Variants in NDUFAF6 observed in about 807,000 individuals in gnomAD.
NDUFAF6 encodes NADH dehydrogenase (ubiquinone) complex I, assembly factor 6.
NDUFAF6 carries 45 observed loss-of-function variants against 40.8 expected under a neutral mutation model. The ratio of observed to expected loss-of-function variants is 1.10; its 90% CI spans 0.87 to 1.42. The LOEUF is 1.42. Among genes scored for constraint, NDUFAF6 ranks in the 40% most tolerant of loss-of-function variants. The pLI, the probability that NDUFAF6 is intolerant of heterozygous loss-of-function variation, is 0.00. For synonymous variants in NDUFAF6, 185 were observed against 155.9 expected, an observed-to-expected ratio of 1.19 and a Z score of -1.39; for missense variants, 435 against 418.5, an observed-to-expected ratio of 1.04 and a Z score of -0.34.
At chr8:95,016,502 T>C (rs1401081918) in intron 2 of NDUFAF6, among the ~76,000 whole-genome samples, 1 of 152,198 alleles carries the variant, frequency 6.6e-6, no homozygotes. Context: ...CCCAGCACTT[T>C]GGGAGGCTGA....
At chr8:95,032,880 G>T (rs955085003) in intron 2 of NDUFAF6, among the ~76,000 whole-genome samples, 1 of 152,192 alleles carries the variant, frequency 6.6e-6, no homozygotes, top group African/African-American at 2.4e-5. Flanking sequence ...GAGTCTAATA[G>T]ACTGGCTGTT....
At chr8:94,989,372 T>C (rs983701580) in intron 2 of NDUFAF6, 1 of 152,238 alleles carries the variant, frequency 6.6e-6, no homozygotes, top group Non-Finnish European at 1.5e-5. Context: ...ACCAGAATTG[T>C]ACCTCTGCTT....
downstream of NDUFAF6, among the ~76,000 whole-genome samples, chr8:95,108,309 T>C (rs545993227): frequency 3.3e-5 from 5 of 152,282 alleles, no homozygotes; most frequent in East Asian, 9.6e-4. Flanking sequence ...AACCCAAATA[T>C]CTATTGATTA....
At chr8:94,915,657 C>G (rs1436688758) in intron 1 of NDUFAF6, among the ~76,000 whole-genome samples, 1 of 152,318 alleles carries the variant, frequency 6.6e-6, no homozygotes, top group South Asian at 2.1e-4. Flanking sequence ...CTGCTTTTCA[C>G]AGGGGCTGAA....
intron 4 of NDUFAF6, among the ~76,000 whole-genome samples, chr8:95,043,964 G>A (rs908915686): frequency 1.3e-5 from 2 of 152,124 alleles, no homozygotes; most frequent in Non-Finnish European, 1.5e-5. Flanking sequence ...CATTATTCAT[G>A]AAAGCCCGAA....
chr8:94,963,194 G>A (rs1204572656), intron 1 of NDUFAF6, among the ~76,000 whole-genome samples: 1 of 152,192 alleles, frequency 6.6e-6, no homozygotes, highest in Non-Finnish European at 1.5e-5. Flanking sequence ...TATTGATACA[G>A]AGAAAAAGAA....
chr8:95,043,840 G>A lies in NDUFAF6; in HGVS notation c.478-1705G>A, dbSNP rs913758902. On this transcript the variant is annotated intron_variant, in intron 4 of 8. Transcript: ENST00000396124. ...AAAATAGTTTGGCAACTTTTTCTTC[G>A]AAGAGATAAACATAGGAGTTATCAT... Among the ~76,000 whole-genome samples, 9 of 152,222 alleles carry A rather than the reference G, an allele frequency of 5.9e-5. No homozygotes were observed. In the South Asian group the frequency reaches 6.2e-4, roughly 11 times the overall value.
chr8:95,009,542 G>A lies in NDUFAF6; in HGVS notation c.-83-22453G>A, dbSNP rs144716042. 6.8e-4 allele frequency among the ~76,000 whole-genome samples: 103 copies of A among 152,318 alleles called. No homozygotes were observed. In the East Asian group the frequency reaches 0.017, roughly 25 times the overall value. On this transcript the variant is annotated intron_variant, in intron 2 of 9. Transcript: ENST00000396111. Reference sequence around the variant, plus strand: ...GTGGGTTATGGGAGAGAGGGTGGATGTCACTGAAGAGATTCCCATAACAGC... The same window carrying A: ...GTGGGTTATGGGAGAGAGGGTGGATATCACTGAAGAGATTCCCATAACAGC...
At chr8:94,940,911 C>T (rs777146558) in intron 1 of NDUFAF6, 1 of 1,613,600 alleles carries the variant, frequency 6.2e-7, no homozygotes, top group Non-Finnish European at 8.5e-7. Context: ...CTGACTTCAC[C>T]CACAAACATT....
chr8:94,993,299 C>T (rs1398079990), intron 2 of NDUFAF6, among the ~76,000 whole-genome samples: 1 of 152,208 alleles, frequency 6.6e-6, no homozygotes, highest in Non-Finnish European at 1.5e-5. Context: ...CATCCAGAGG[C>T]ACCAAAAGTT....
intron 2 of NDUFAF6, among the ~76,000 whole-genome samples, chr8:95,082,618 T>C (rs1242217185): frequency 6.6e-6 from 1 of 151,560 alleles, no homozygotes; most frequent in Non-Finnish European, 1.5e-5. Flanking sequence ...GTTCATGTGT[T>C]CCTTAGCATT....
At chr8:94,983,054 A>C (rs1033637627) in intron 2 of NDUFAF6, among the ~76,000 whole-genome samples, 6 of 152,174 alleles carry the variant, frequency 3.9e-5, no homozygotes, top group African/African-American at 1.4e-4. Context: ...TTCTACTATA[A>C]AGTGGTAAAA....
intron 4 of NDUFAF6, among the ~76,000 whole-genome samples, chr8:95,044,821 A>T (rs1830552472): frequency 6.6e-6 from 1 of 151,828 alleles, no homozygotes; most frequent in South Asian, 2.1e-4. Flanking sequence ...TCTGATTTTA[A>T]AGAGGGTGAA....
intron 8 of NDUFAF6, among the ~76,000 whole-genome samples, chr8:95,056,970 G>GA (rs1186476470): frequency 2.0e-5 from 3 of 151,294 alleles, no homozygotes; most frequent in African/African-American, 4.9e-5. Flanking sequence ...AAAAGTATAG[G>GA]AAAAAAAAGT....
At chr8:94,899,769 A>G (rs1394017169) in intron 1 of NDUFAF6, among the ~76,000 whole-genome samples, 2 of 152,216 alleles carry the variant, frequency 1.3e-5, no homozygotes, top group Non-Finnish European at 2.9e-5. Context: ...TTTTCCTGAC[A>G]TGCATTGCCT....
chr8:94,968,014 C>T (rs1286209321), intron 1 of NDUFAF6, among the ~76,000 whole-genome samples: 1 of 152,008 alleles, frequency 6.6e-6, no homozygotes, highest in Non-Finnish European at 1.5e-5. Flanking sequence ...AGCCTTTAAC[C>T]CCAGCTCACT....
downstream of NDUFAF6, among the ~76,000 whole-genome samples, chr8:95,106,046 TG>T (rs201832758): frequency 0.015 from 2,337 of 151,668 alleles, 74 homozygotes; most frequent in African/African-American, 0.054. Flanking sequence ...GAGGCCGAGG[TG>T]GGCGGATCAT....
intron 2 of NDUFAF6, among the ~76,000 whole-genome samples, chr8:95,092,244 T>C (rs181948156): frequency 1.3e-5 from 2 of 148,714 alleles, no homozygotes; most frequent in African/African-American, 2.5e-5. Context: ...TGCAAAGGCA[T>C]AATCTTGGCT....
At chr8:95,075,660 G>A (rs1049643760) in exon 10 of NDUFAF6, 84 of 1,288,208 alleles carry the variant, frequency 6.5e-5, no homozygotes, top group African/African-American at 6.1e-4. Flanking sequence ...CACTCAGGGC[G>A]TGTGTCTTGC....
Sources: allele counts gnomAD v4.1 joint callset (sites outside exome capture counted in the v4.1 genomes callset), GRCh38; gene constraint gnomAD v4.1.1; transcripts MANE v1.5; gene names NCBI Gene and HGNC (gene_info 2026-07-23, HGNC 2026-07-21).